PLOD3: variants seen among roughly 807,000 people sequenced by gnomAD.
PLOD3 encodes procollagen-lysine,2-oxoglutarate 5-dioxygenase 3, also known as multifunctional procollagen lysine hydroxylase and glycosyltransferase LH3.
PLOD3 carries 73 observed loss-of-function variants against 96.9 expected under a neutral mutation model. That is an observed-to-expected ratio of 0.75 (90% CI 0.62 to 0.92). The LOEUF is 0.92. Ranked by LOEUF, PLOD3 falls within the 40% of genes least tolerant of loss-of-function variation. The pLI is 0.00. For missense variants in PLOD3, 1,004 were observed against 1,004.3 expected (o/e 1.00, Z 0.00); for synonymous variants, 454 against 413.7 (o/e 1.10, Z -1.18).
At chr7:101,210,199 C>G (rs558805995) in intron 14 of PLOD3, 38 bp from the exon 15 acceptor site, 5 of 1,540,710 alleles carry the variant, frequency 3.2e-6, no homozygotes, top group Middle Eastern at 1.7e-4. Flanking sequence ...TCTGTGCCCC[C>G]CTCGCTCCCA....
Position 101,209,796 on chromosome 7 carries a change from C to G in PLOD3, c.1683+297G>C, listed in dbSNP as rs1360475726. The G allele has an allele frequency of 1.2e-5, 4 of 331,066 alleles. No individual in the cohort carries two copies. The Admixed American group carries it at 1.8e-4, about 15-fold the overall frequency. The allele number at this position is 331,066 out of a possible 1,614,324, so 20.5% of individuals were successfully genotyped here. A position where few individuals can be genotyped will look rare whatever the true frequency, so the allele number is the denominator to read the frequency against. On this transcript the variant is annotated intron_variant, in intron 15 of 18. Coordinates refer to ENST00000223127, the MANE Select transcript of PLOD3 (RefSeq NM_001084.5). ...CCTCAACCGATCCACCCACCTTGGCCTCCCAAAGTGCTGGGATTACAGGCA... is the reference window on the plus strand; with the variant it reads ...CCTCAACCGATCCACCCACCTTGGCGTCCCAAAGTGCTGGGATTACAGGCA...
At chr7:101,215,408 T>C (rs1477603493) in intron 5 of PLOD3, among the ~76,000 whole-genome samples, 3 of 152,224 alleles carry the variant, frequency 2.0e-5, no homozygotes, top group African/African-American at 7.2e-5. Flanking sequence ...AGACGGGGTT[T>C]CACCATGTTG....
At position 101,217,185 on chromosome 7, in the gene PLOD3, GC is replaced by G; in HGVS notation, c.89del (p.Gly30AlafsTer12). The G allele has an allele frequency of 2.7e-6, 4 of 1,492,528 alleles. No homozygotes were observed. Among genetic ancestry groups the G allele is most frequent in the Admixed American group, 2.3e-5 (1 of 42,606 alleles). 92.5% of individuals were successfully genotyped at this position (1,492,528 alleles called of 1,614,324 possible). On this transcript the variant is annotated frameshift_variant, in exon 1 of 19. Coordinates refer to ENST00000223127, the MANE Select transcript of PLOD3 (RefSeq NM_001084.5). LOFTEE classifies it high-confidence loss of function. ...PAASASDRPR[G>X]RDPVNPEKLL... ...TCTCACCTGGGTTGACCGGGTCTCGGCCCCGGGGCCGGTCGGAGGCTGAGGC... is the reference window on the plus strand; with the variant it reads ...TCTCACCTGGGTTGACCGGGTCTCGGCCCGGGGCCGGTCGGAGGCTGAGGC...
At chr7:101,211,347 T>G in intron 12 of PLOD3, 1 of 489,438 alleles carries the variant, frequency 2.0e-6, no homozygotes, top group Non-Finnish European at 3.7e-6. Flanking sequence ...GCCCAGCTAA[T>G]ATTTTAAGTT....
At chr7:101,210,226 C>A (rs1422941683) in intron 14 of PLOD3, 65 bp from the exon 15 acceptor site, 7 of 1,483,548 alleles carry the variant, frequency 4.7e-6, no homozygotes, top group Non-Finnish European at 6.5e-6. Flanking sequence ...AGGGGACCGC[C>A]CCCTCCCACT....
intron 18 of PLOD3, 152 bp downstream of exon 18, chr7:101,206,627 G>T: frequency 9.6e-7 from 1 of 1,037,330 alleles, no homozygotes; most frequent in Non-Finnish European, 1.4e-6. Flanking sequence ...GGAAGCAGAG[G>T]CCGCCTGCCC....
At chr7:101,211,410 G>C (rs569104292) in intron 12 of PLOD3, 181 bp downstream of exon 12, 28 of 621,408 alleles carry the variant, frequency 4.5e-5, no homozygotes, top group African/African-American at 4.2e-4. Flanking sequence ...TAAACTCCCA[G>C]GCTCAAGCAG....
At chr7:101,216,992 A>C in intron 1 of PLOD3, 174 bp downstream of exon 1, 1 of 821,310 alleles carries the variant, frequency 1.2e-6, no homozygotes, top group Admixed American at 2.3e-5. Flanking sequence ...GGAGGCTGGA[A>C]ACCCCAGTTC....
Position 101,217,239 on chromosome 7 carries a change from C to A in PLOD3, c.36G>T (p.Leu12=). Reference sequence around the variant, plus strand: ...CAGGGGGCAGCAGCAGCGGCAGCAGCAGCAGGAACCGGGGTCCAGGCCCCG... The same window carrying A: ...CAGGGGGCAGCAGCAGCGGCAGCAGAAGCAGGAACCGGGGTCCAGGCCCCG... ...TSSGPGPRFL[L]LLPLLLPPAA... is the part of the protein sequence containing the mutation. Residue 12 remains leucine (L), a synonymous_variant, in exon 1 of 19, where the codon CTG becomes CTT. Coordinates refer to ENST00000223127, the MANE Select transcript of PLOD3 (RefSeq NM_001084.5). The A allele has an allele frequency of 6.7e-7, 1 of 1,498,336 alleles. No individual in the cohort carries two copies. Among genetic ancestry groups the A allele is most frequent in the Non-Finnish European group, 8.9e-7 (1 of 1,125,692 alleles). 92.8% of individuals were successfully genotyped at this position (1,498,336 alleles called of 1,614,324 possible).
At chr7:101,211,442 A>G in intron 12 of PLOD3, 149 bp downstream of exon 12, 1 of 754,204 alleles carries the variant, frequency 1.3e-6, no homozygotes, top group Non-Finnish European at 2.1e-6. Context: ...CAGCCTCCCA[A>G]AGTGGTGGCA....
intron 7 of PLOD3, 52 bp from the exon 8 acceptor site, chr7:101,212,995 G>T: frequency 6.9e-7 from 1 of 1,450,572 alleles, no homozygotes; most frequent in Non-Finnish European, 9.7e-7. Context: ...GGGTGGAGGT[G>T]GGGGTCAGGC....
rs373170444 is a variant in PLOD3 at position 101,212,647 on chromosome 7, G to C, written c.888C>G (p.Pro296=). Residue 296 remains proline (P), a synonymous_variant, in exon 9 of 19, where the codon CCC becomes CCG. Coordinates refer to ENST00000223127, the MANE Select transcript of PLOD3 (RefSeq NM_001084.5). Reference sequence around the variant, plus strand: ...CCACAAACACGGCCAGAAACACCCGGGGGGGAGGCTGGAAGATGCAACACG... The same window carrying C: ...CCACAAACACGGCCAGAAACACCCGCGGGGGAGGCTGGAAGATGCAACACG... ...RRTLPGGQPP[P]RVFLAVFVEQ... The C allele has an allele frequency of 2.5e-6, 4 of 1,613,652 alleles. No homozygotes were observed. The highest frequency in any genetic ancestry group is 4.5e-5 in the East Asian group (2 of 44,876).
chr7:101,208,635 G>A (rs918992111), intron 16 of PLOD3: 19 of 540,514 alleles, frequency 3.5e-5, no homozygotes, highest in Middle Eastern at 3.4e-4. Context: ...CAATCCTCCC[G>A]CCTCAGCCTC....
At position 101,216,427 on chromosome 7, in the gene PLOD3, G is replaced by T. The variant is rs372562232; in HGVS notation, c.321C>A (p.Ile107=). ...CCCGTTACCTATCCACAAACATGATGATCATATCCTCCCGGTCAGCGTATT... is the reference window on the plus strand; with the variant it reads ...CCCGTTACCTATCCACAAACATGATTATCATATCCTCCCGGTCAGCGTATT... ...MEKYADREDM[I]IMFVDSYDVI... Residue 107 remains isoleucine (I), a synonymous_variant, in exon 3 of 19, where the codon ATC becomes ATA. Coordinates refer to ENST00000223127, the MANE Select transcript of PLOD3 (RefSeq NM_001084.5). 2.5e-6 allele frequency: 4 copies of T among 1,614,006 alleles called. No individual in the cohort carries two copies. Among genetic ancestry groups the T allele is most frequent in the African/African-American group, 2.7e-5 (2 of 74,906 alleles).
In PLOD3 at chr7:101,207,617, G is replaced by C. The variant is rs754745161; in HGVS notation, c.1896C>G (p.Gly632=). 1.7e-5 allele frequency: 28 copies of C among 1,613,934 alleles called. No individual in the cohort carries two copies. In the East Asian group the frequency reaches 6.0e-4, roughly 35 times the overall value. Residue 632 remains glycine, a synonymous_variant, in exon 17 of 19, where the codon GGC becomes GGG. Transcript: ENST00000223127. ...QWLQLLRTYV[G]PMTESLFPGY... ...CGGGAAACAGGCTCTCGGTCATGGG[G>C]CCCACATACGTCCGCAGCAGCTGCA...
intron 2 of PLOD3, 40 bp from the exon 3 acceptor site, chr7:101,216,586 A>C (rs748360492): frequency 1.9e-6 from 3 of 1,613,040 alleles, no homozygotes; most frequent in Non-Finnish European, 8.5e-7. Flanking sequence ...AGGGGTGGGG[A>C]GTTGTGGGGG....
Position 101,207,618 on chromosome 7 carries a change from C to T in PLOD3, c.1895G>A (p.Gly632Asp). ...QWLQLLRTYV[G>D]PMTESLFPGY... ...GGGAAACAGGCTCTCGGTCATGGGGCCCACATACGTCCGCAGCAGCTGCAG... is the reference window on the plus strand; with the variant it reads ...GGGAAACAGGCTCTCGGTCATGGGGTCCACATACGTCCGCAGCAGCTGCAG... The change falls in exon 17 of 19, where the codon GGC (glycine) becomes GAC (aspartate). Residue 632 changes from glycine (G) to aspartate (D), a missense_variant. Physicochemically the swap from Gly to Asp is moderately conservative, Grantham distance 94 (BLOSUM62 -1). This residue lies in a region of PLOD3 where 222 missense variants were observed against 220.4 expected (regional missense o/e 1.01). Transcript: ENST00000223127. 6.2e-7 allele frequency: 1 copy of T among 1,614,036 alleles called. No homozygotes were observed. The highest frequency in any genetic ancestry group is 8.5e-7 in the Non-Finnish European group (1 of 1,179,968).
Position 101,216,040 on chromosome 7 carries a change from T to C in PLOD3, c.503-20A>G. 6.2e-7 allele frequency: 1 copy of C among 1,611,458 alleles called. No homozygotes were observed. Among genetic ancestry groups the C allele is most frequent in the Non-Finnish European group, 8.5e-7 (1 of 1,177,596 alleles). The stretch of plus-strand genomic sequence containing the variant: ...TGAATCCTGGCGGGGAGGGGGAGTG[T>C]TGACCTCGAGACTCCCAGGGTCCCA... On this transcript the variant is annotated intron_variant, in intron 4 of 18. Coordinates refer to ENST00000223127, the MANE Select transcript of PLOD3 (RefSeq NM_001084.5).
rs754765786 is a variant in PLOD3, at chr7:101,216,003, T to C, written c.520A>G (p.Thr174Ala). The C allele has an allele frequency of 1.9e-6, 3 of 1,613,934 alleles. No individual in the cohort carries two copies. Among genetic ancestry groups the C allele is most frequent in the Non-Finnish European group, 2.5e-6 (3 of 1,179,980 alleles). ...LNSGGFIGFA[T>A]TIHQIVRQWK... Reference sequence around the variant, plus strand: ...TGGCGCACGATTTGGTGGATGGTGGTGGCAAAACCGATGAATCCTGGCGGG... The same window carrying C: ...TGGCGCACGATTTGGTGGATGGTGGCGGCAAAACCGATGAATCCTGGCGGG... Residue 174 changes from threonine (T) to alanine (A), a missense_variant, in exon 5 of 19, where the codon ACC becomes GCC. By Grantham distance (58) the Thr-to-Ala change is moderately conservative. This residue lies in a region of PLOD3 where 690 missense variants were observed against 650.2 expected (regional missense o/e 1.06). Transcript: ENST00000223127.
Sources: gnomAD v4.1 joint callset for allele counts (sites outside exome capture counted in the v4.1 genomes callset) on GRCh38, gnomAD v4.1.1 for gene constraint, gnomAD v4.1.1 regional missense constraint, MANE v1.5 for transcripts, NCBI Gene and HGNC (gene_info 2026-07-23, HGNC 2026-07-21) for gene names.